The following CTIF variants were observed in gnomAD, a reference collection of about 807,000 sequenced individuals.
CTIF encodes cap binding complex dependent translation initiation factor, also known as CBP80/20-dependent translation initiation factor.
A neutral mutation model predicts 66.0 loss-of-function variants in CTIF; 21 were observed. The ratio of observed to expected loss-of-function variants is 0.32; its 90% CI spans 0.23 to 0.46. The LOEUF (loss-of-function observed/expected upper bound fraction) is 0.46, where lower values mean the gene tolerates loss of function less well. Among genes scored for constraint, CTIF ranks in the 20% least tolerant of loss-of-function variants. CTIF has a pLI of 1.00. For missense variants in CTIF, 739 were observed against 812.7 expected (o/e 0.91, Z 1.10); for synonymous variants, 345 against 326.4 (o/e 1.06, Z -0.62).
intron 3 of CTIF, among the ~76,000 whole-genome samples, chr18:48,657,956 G>A (rs186134746): frequency 6.6e-6 from 1 of 152,236 alleles, no homozygotes; most frequent in African/African-American, 2.4e-5. Flanking sequence ...GTGAGCCAGA[G>A]GTGAGGGTGG....
intron 6 of CTIF, among the ~76,000 whole-genome samples, chr18:48,695,818 T>C (rs1255460130): frequency 6.6e-6 from 1 of 152,184 alleles, no homozygotes; most frequent in Admixed American, 6.5e-5. Flanking sequence ...CTGGCATTGC[T>C]CAGTCAGGAG....
At chr18:48,737,811 T>G (rs981509041) in intron 7 of CTIF, among the ~76,000 whole-genome samples, 1 of 152,242 alleles carries the variant, frequency 6.6e-6, no homozygotes, top group African/African-American at 2.4e-5. Context: ...ACACCCTGTT[T>G]TGCAGATCTG....
intron 10 of CTIF, among the ~76,000 whole-genome samples, chr18:48,834,960 A>T (rs1171213229): frequency 1.3e-5 from 2 of 152,204 alleles, no homozygotes; most frequent in Admixed American, 6.5e-5. Context: ...TGCGCTTTAG[A>T]GGAACTCCCT....
At chr18:48,625,212 AC>A (rs1433509328) in intron 2 of CTIF, 1 of 985,188 alleles carries the variant, frequency 1.0e-6, no homozygotes, top group Non-Finnish European at 1.2e-6. Context: ...ATGGTGGACC[AC>A]CCATGAAAGG....
intron 1 of CTIF, among the ~76,000 whole-genome samples, chr18:48,568,519 T>A (rs935298985): frequency 6.6e-6 from 1 of 151,572 alleles, no homozygotes; most frequent in South Asian, 2.1e-4. Context: ...ACAATGAACA[T>A]TTATTTTCTC....
chr18:48,596,219 A>C (rs961079595), intron 1 of CTIF, among the ~76,000 whole-genome samples: 1 of 152,190 alleles, frequency 6.6e-6, no homozygotes, highest in African/African-American at 2.4e-5. Flanking sequence ...ATACTCCTTT[A>C]TTTCTTTCTT....
intron 7 of CTIF, among the ~76,000 whole-genome samples, chr18:48,745,442 C>T (rs111615494): frequency 2.6e-5 from 4 of 152,350 alleles, no homozygotes; most frequent in African/African-American, 7.2e-5. Flanking sequence ...TTAGAGGCTA[C>T]GCCAATGTTC....
At chr18:48,839,549 T>C (rs74773291) in intron 10 of CTIF, among the ~76,000 whole-genome samples, 3,465 of 152,008 alleles carry the variant, frequency 0.023, 121 homozygotes, top group African/African-American at 0.077. Context: ...AATATTAGTA[T>C]CACCACTTTA....
At chr18:48,817,898 CG>C in intron 10 of CTIF, among the ~76,000 whole-genome samples, 1 of 152,204 alleles carries the variant, frequency 6.6e-6, no homozygotes, top group Admixed American at 6.5e-5. Flanking sequence ...CCCCTTCCCC[CG>C]TGGGGTGTTG....
At chr18:48,568,632 GTAAAAAAAAAA>G (rs2089331258) in intron 1 of CTIF, among the ~76,000 whole-genome samples, 1 of 21,346 alleles carries the variant, frequency 4.7e-5, no homozygotes. Flanking sequence ...TGGGCAATTT[GTAAAAAAAAAA>G]AAAAAAAAAA....
intron 10 of CTIF, among the ~76,000 whole-genome samples, chr18:48,836,041 C>A (rs1259619354): frequency 6.6e-6 from 1 of 152,076 alleles, no homozygotes; most frequent in Non-Finnish European, 1.5e-5. Flanking sequence ...GGCCCTCTAG[C>A]CCATGAACAT....
chr18:48,597,951 C>T (rs185125822), intron 1 of CTIF, among the ~76,000 whole-genome samples: 182 of 152,306 alleles, frequency 1.2e-3, no homozygotes, highest in African/African-American at 3.1e-3. Context: ...GTGCAGGGGA[C>T]GGATCTCTGC....
At chr18:48,824,013 C>CACACACACACACACACAG (rs139376550) in intron 10 of CTIF, among the ~76,000 whole-genome samples, 2 of 146,640 alleles carry the variant, frequency 1.4e-5, no homozygotes, top group Non-Finnish European at 3.0e-5. Context: ...CACACACACA[C>CACACACACACACACACAG]AAACTGCTAG....
chr18:48,783,276 G>A (rs1244657511), intron 9 of CTIF, among the ~76,000 whole-genome samples: 2 of 152,220 alleles, frequency 1.3e-5, no homozygotes, highest in Admixed American at 1.3e-4. Context: ...CACGGCTTAT[G>A]TATGGAATGA....
Position 48,817,331 on chromosome 18 carries a change from G to A in CTIF, c.1482G>A (p.Glu494=), listed in dbSNP as rs2068387301. The change falls in exon 10 of 12, where the codon GAG becomes GAA. Residue 494 remains glutamate, a synonymous_variant. Coordinates refer to ENST00000256413, the MANE Select transcript of CTIF (RefSeq NM_014772.3). ...VFGTMRSSTG[E]PFRVLVCPIY... is the part of the protein sequence containing the mutation. ...GCACCATGCGCAGCAGCACAGGCGA[G>A]CCCTTCCGTGTGCTCGTGTGCCCCA... 2 of 1,613,474 alleles carry A rather than the reference G, an allele frequency of 1.2e-6. No homozygotes were observed.
chr18:48,802,836 C>T (rs1227540590), intron 9 of CTIF, among the ~76,000 whole-genome samples: 2 of 152,238 alleles, frequency 1.3e-5, no homozygotes, highest in Admixed American at 1.3e-4. Context: ...TCCAGTGACA[C>T]CTTGCTTTGA....
chr18:48,664,914 T>TG (rs2091411982), intron 5 of CTIF, among the ~76,000 whole-genome samples: 1 of 149,028 alleles, frequency 6.7e-6, no homozygotes, highest in South Asian at 2.1e-4. Flanking sequence ...TCTTTCTTTT[T>TG]TTTTTTTTTT....
chr18:48,721,247 A>C (rs1568163882), intron 7 of CTIF, among the ~76,000 whole-genome samples: 1 of 152,192 alleles, frequency 6.6e-6, no homozygotes, highest in Non-Finnish European at 1.5e-5. Flanking sequence ...ATGTCTAGTT[A>C]CCTGCAGGAC....
chr18:48,724,411 AG>A (rs1171465217), intron 7 of CTIF, among the ~76,000 whole-genome samples: 1 of 151,924 alleles, frequency 6.6e-6, no homozygotes, highest in Admixed American at 6.6e-5. Flanking sequence ...TGTGCTCTCC[AG>A]ACCCCAGTCT....
Sources: allele counts gnomAD v4.1 joint callset (sites outside exome capture counted in the v4.1 genomes callset), GRCh38; gene constraint gnomAD v4.1.1; transcripts MANE v1.5; gene names NCBI Gene and HGNC (gene_info 2026-07-23, HGNC 2026-07-21).